Variants in COL18A1 observed in about 807,000 individuals in gnomAD.
COL18A1 encodes collagen alpha-1(XVIII) chain.
COL18A1 carries 133 observed loss-of-function variants against 168.0 expected under a neutral mutation model. That is an observed-to-expected ratio of 0.79 (90% CI 0.69 to 0.91). The LOEUF (loss-of-function observed/expected upper bound fraction) is 0.91. Ranked by LOEUF, COL18A1 falls within the 40% of genes least tolerant of loss-of-function variation. The pLI, the probability that COL18A1 is intolerant of heterozygous loss-of-function variation, is 0.00. For synonymous variants in COL18A1, 949 were observed against 809.0 expected (o/e 1.17, Z -2.94); for missense variants, 2,126 against 1,925.4 (o/e 1.10, Z -1.95).
intron 29 of COL18A1, 124 bp from the exon 30 acceptor site, chr21:45,496,376 T>G: frequency 2.6e-6 from 2 of 764,746 alleles, no homozygotes; most frequent in East Asian, 5.0e-5. Flanking sequence ...ATTCTCGGTT[T>G]TGCCTGGTCA....
chr21:45,413,474 C>G (rs1437713018), intron 2 of COL18A1, among the ~76,000 whole-genome samples: 1 of 152,230 alleles, frequency 6.6e-6, no homozygotes, highest in Non-Finnish European at 1.5e-5. Flanking sequence ...CCTCGGCTGT[C>G]AGGAGACTTC....
chr21:45,428,979 T>C (rs1310136261), intron 2 of COL18A1, among the ~76,000 whole-genome samples: 2 of 151,872 alleles, frequency 1.3e-5, no homozygotes, highest in African/African-American at 4.8e-5. Flanking sequence ...CTCGGCTCAC[T>C]ATAACCTCTG....
intron 32 of COL18A1, among the ~76,000 whole-genome samples, chr21:45,502,312 C>A (rs769480636): frequency 1.3e-5 from 2 of 152,214 alleles, no homozygotes; most frequent in African/African-American, 4.8e-5. Flanking sequence ...GGAACAGTCA[C>A]AGGAGAAGGT....
chr21:45,413,423 G>T (rs2123512076), intron 2 of COL18A1, among the ~76,000 whole-genome samples: 1 of 152,358 alleles, frequency 6.6e-6, no homozygotes. Flanking sequence ...CTGGATTTGT[G>T]ACTGGGCGGC....
chr21:45,502,885 T>C (rs1054512396), intron 32 of COL18A1: 3 of 152,202 alleles, frequency 2.0e-5, no homozygotes, highest in African/African-American at 7.2e-5. Flanking sequence ...CACAAGTGGA[T>C]CTGCAGGTGA....
chr21:45,461,051 C>T (rs1055691030), intron 2 of COL18A1, among the ~76,000 whole-genome samples: 10 of 152,130 alleles, frequency 6.6e-5, no homozygotes, highest in East Asian at 3.9e-4. Flanking sequence ...AACCAGTTAC[C>T]GTTGTGAGTG....
rs749910516 is a variant in COL18A1 at position 45,497,069 on chromosome 21, G to T, written c.2597G>T (p.Arg866Leu). 1.2e-6 allele frequency: 2 copies of T among 1,601,208 alleles called. No homozygotes were observed. Among genetic ancestry groups the T allele is most frequent in the Non-Finnish European group, 8.5e-7 (1 of 1,174,476 alleles). ...YDSNVFAESS[R>L]PGPPGLPGNQ... is the part of the protein sequence containing the mutation. ...TTGCAGGTGTTTGCTGAGTCCAGCC[G>T]CCCCGGGCCTCCAGGATTGCCAGGT... Residue 866 changes from arginine (R) to leucine (L), a missense_variant, in exon 31 of 42, where the codon CGC becomes CTC. Arg to Leu is a moderately radical substitution (Grantham distance 102, BLOSUM62 -2). Coordinates refer to ENST00000651438, the MANE Select transcript of COL18A1 (RefSeq NM_001379500.1).
At chr21:45,421,608 T>G (rs143933504) in intron 2 of COL18A1, 17 of 533,396 alleles carry the variant, frequency 3.2e-5, no homozygotes, top group Non-Finnish European at 6.6e-5. Flanking sequence ...TCCTCTTCTC[T>G]TGCCTGCAGG....
intron 2 of COL18A1, among the ~76,000 whole-genome samples, chr21:45,427,632 C>CCGG (rs967063593): frequency 1.0e-3 from 152 of 152,324 alleles, no homozygotes; most frequent in African/African-American, 3.6e-3. Flanking sequence ...GGTGGGCAGG[C>CCGG]CGGCGGGTGT....
intron 2 of COL18A1, among the ~76,000 whole-genome samples, chr21:45,465,081 T>C (rs1448342631): frequency 5.3e-5 from 8 of 152,234 alleles, no homozygotes; most frequent in Non-Finnish European, 5.9e-5. Flanking sequence ...AGGGAGATGC[T>C]CTGCTCTTCG....
intron 32 of COL18A1, among the ~76,000 whole-genome samples, chr21:45,503,782 A>G (rs1177416327): frequency 6.6e-6 from 1 of 152,090 alleles, no homozygotes; most frequent in Non-Finnish European, 1.5e-5. Flanking sequence ...AACTTAAAGT[A>G]TAATAATAAA....
Position 45,505,885 on chromosome 21 carries a change from G to C in COL18A1, c.3135G>C (p.Glu1045Asp). The C allele has an allele frequency of 6.2e-7, 1 of 1,612,668 alleles. No individual in the cohort carries two copies. Among genetic ancestry groups the C allele is most frequent in the Non-Finnish European group, 8.5e-7 (1 of 1,179,872 alleles). ...TRQAMLGQVH[E>D]VPEGWLIFVA... ...AGGCCATGCTGGGCCAGGTGCACGA[G>C]GTTCCCGAGGGCTGGCTCATCTTCG... Residue 1045 changes from glutamate to aspartate, a missense_variant, in exon 37 of 42, where the codon GAG becomes GAC. Physicochemically the swap from Glu to Asp is conservative, Grantham distance 45. Coordinates refer to ENST00000651438, the MANE Select transcript of COL18A1 (RefSeq NM_001379500.1).
chr21:45,450,551 CT>C (rs1234352555), intron 2 of COL18A1, among the ~76,000 whole-genome samples: 4 of 152,166 alleles, frequency 2.6e-5, no homozygotes, highest in African/African-American at 4.8e-5. Context: ...ATGTTTGTAC[CT>C]TTTTAAAAAA....
In COL18A1 at chr21:45,473,807, G is replaced by GC. The variant is rs1195533185; in HGVS notation, c.652-82dup. The GC allele has an allele frequency of 2.0e-4, 223 of 1,114,086 alleles. 2 individuals carry two copies. The highest frequency in any genetic ancestry group is 1.7e-5 in the Non-Finnish European group (13 of 754,486). 69.0% of individuals were successfully genotyped at this position (1,114,086 alleles called of 1,614,324 possible). A position where few individuals can be genotyped will look rare whatever the true frequency, so the allele number is the denominator to read the frequency against. ...TCCGAGACTCTCCTGCCCTTTGTGG[G>GC]CCCCCCGAAATCTGGAGCTCAAGCA... On this transcript the variant is annotated intron_variant, in intron 3 of 41. Transcript: ENST00000651438. The surrounding 1 kb of genome is among the most constrained non-coding windows in gnomAD (Gnocchi z 4.0).
At chr21:45,450,883 C>T (rs889713142) in intron 2 of COL18A1, among the ~76,000 whole-genome samples, 6 of 152,250 alleles carry the variant, frequency 3.9e-5, no homozygotes, top group African/African-American at 9.6e-5. Context: ...GGTGAGCCCT[C>T]GATGGCTGTG....
intron 2 of COL18A1, among the ~76,000 whole-genome samples, chr21:45,459,030 C>T (rs116013996): frequency 0.025 from 3,738 of 152,316 alleles, 167 homozygotes; most frequent in African/African-American, 0.084. Context: ...AGCTTGGTAG[C>T]GTCCCCGTGC....
intron 2 of COL18A1, among the ~76,000 whole-genome samples, chr21:45,436,970 T>C (rs1476280970): frequency 1.3e-5 from 2 of 151,526 alleles, no homozygotes; most frequent in African/African-American, 4.9e-5. Flanking sequence ...CAGCTGGCTG[T>C]GGCAGGAGCT....
At chr21:45,460,878 T>C (rs2035018032) in intron 2 of COL18A1, among the ~76,000 whole-genome samples, 1 of 152,204 alleles carries the variant, frequency 6.6e-6, no homozygotes, top group African/African-American at 2.4e-5. Context: ...GCCCAGTGCA[T>C]TGGGTGCAGT....
chr21:45,482,947 C>G, intron 15 of COL18A1, 126 bp downstream of exon 15: 2 of 1,358,566 alleles, frequency 1.5e-6, no homozygotes, highest in Non-Finnish European at 2.1e-6. Context: ...CCTTGACCCC[C>G]ACTCCTGCCA....
Sources: gnomAD v4.1 joint callset for allele counts (sites outside exome capture counted in the v4.1 genomes callset) on GRCh38, gnomAD v4.1.1 for gene constraint, Gnocchi (gnomAD v3.1) non-coding constraint, MANE v1.5 for transcripts, NCBI Gene and HGNC (gene_info 2026-07-23, HGNC 2026-07-21) for gene names.